Variants in SPIDR observed in about 807,000 individuals in gnomAD.
SPIDR encodes DNA repair-scaffolding protein.
A neutral mutation model predicts 104.6 loss-of-function variants in SPIDR; 93 were observed. The observed-to-expected ratio is 0.89, with a 90% CI of 0.75 to 1.06. The LOEUF is 1.06. Ranked by LOEUF, SPIDR falls within the 50% of genes least tolerant of loss-of-function variation. The pLI, the probability that SPIDR is intolerant of heterozygous loss-of-function variation, is 0.00. For synonymous variants in SPIDR, 431 were observed against 416.9 expected, an observed-to-expected ratio of 1.03 and a Z score of -0.41; for missense variants, 1,154 against 1,111.2, an observed-to-expected ratio of 1.04 and a Z score of -0.55.
intron 8 of SPIDR, among the ~76,000 whole-genome samples, chr8:47,483,126 TG>T (rs1343822561): frequency 6.8e-6 from 1 of 146,898 alleles, no homozygotes; most frequent in Non-Finnish European, 1.5e-5. Flanking sequence ...CATAGCTACT[TG>T]GTTTTTTTTT....
chr8:47,485,234 G>A (rs990671162), intron 8 of SPIDR, among the ~76,000 whole-genome samples: 13 of 152,192 alleles, frequency 8.5e-5, no homozygotes, highest in South Asian at 6.2e-4. Flanking sequence ...CCACGCGCAC[G>A]GAGCCTCGCT....
chr8:47,566,799 G>A (rs1348621317), intron 8 of SPIDR, among the ~76,000 whole-genome samples: 1 of 151,992 alleles, frequency 6.6e-6, no homozygotes, highest in East Asian at 1.9e-4. Flanking sequence ...GAACAGGTGA[G>A]CCTCTTGTGG....
At chr8:47,508,709 C>A (rs2081865638) in intron 8 of SPIDR, among the ~76,000 whole-genome samples, 1 of 149,370 alleles carries the variant, frequency 6.7e-6, no homozygotes, top group Non-Finnish European at 1.5e-5. Flanking sequence ...CATCTGTAAA[C>A]CCAGGTTCTG....
At position 47,327,965 on chromosome 8, in the gene SPIDR, T is replaced by C. The variant is rs896893002; in HGVS notation, c.525+33935T>C. 3.3e-5 allele frequency among the ~76,000 whole-genome samples: 5 copies of C among 151,824 alleles called. No homozygotes were observed. The East Asian group carries it at 7.7e-4, about 24-fold the overall frequency. The stretch of plus-strand genomic sequence containing the variant: ...CACCCACCTTGGCCTTCGAAAGTGC[T>C]GGGATTACAGGCATGAGCCACGACC... On this transcript the variant is annotated intron_variant, in intron 5 of 19. Coordinates refer to ENST00000297423, the MANE Select transcript of SPIDR (RefSeq NM_001080394.4).
intron 5 of SPIDR, among the ~76,000 whole-genome samples, chr8:47,315,771 T>C (rs1479080713): frequency 6.6e-6 from 1 of 152,126 alleles, no homozygotes; most frequent in East Asian, 1.9e-4. Context: ...AGAAAGGCTT[T>C]TAAATAAAAA....
chr8:47,598,838 G>T, intron 9 of SPIDR, 108 bp from the exon 10 acceptor site: 1 of 1,392,750 alleles, frequency 7.2e-7, no homozygotes, highest in East Asian at 2.3e-5. Context: ...AGATCCATTG[G>T]GTGGCTGCTT....
chr8:47,347,535 T>A (rs1554619166), intron 5 of SPIDR, among the ~76,000 whole-genome samples: 1 of 152,202 alleles, frequency 6.6e-6, no homozygotes, highest in Non-Finnish European at 1.5e-5. Context: ...CTGTCTAATA[T>A]TGACAGTGGG....
At chr8:47,326,018 G>T (rs1289174805) in intron 5 of SPIDR, among the ~76,000 whole-genome samples, 3 of 151,926 alleles carry the variant, frequency 2.0e-5, no homozygotes, top group Non-Finnish European at 4.4e-5. Context: ...TTAAGACAGG[G>T]TCTGGCTTTG....
intron 8 of SPIDR, among the ~76,000 whole-genome samples, chr8:47,449,800 C>T (rs1292585444): frequency 2.0e-5 from 3 of 152,156 alleles, no homozygotes; most frequent in African/African-American, 7.2e-5. Context: ...TTAGATGACG[C>T]TTTTCAATGG....
intron 5 of SPIDR, among the ~76,000 whole-genome samples, chr8:47,346,445 C>G (rs1203209844): frequency 2.0e-5 from 3 of 152,158 alleles, no homozygotes; most frequent in African/African-American, 7.2e-5. Flanking sequence ...TGATGTGTCT[C>G]TGCCAGGCTT....
intron 8 of SPIDR, among the ~76,000 whole-genome samples, chr8:47,543,566 A>G (rs1032881072): frequency 3.3e-5 from 5 of 152,182 alleles, no homozygotes; most frequent in South Asian, 2.1e-4. Context: ...TTTATGCCCA[A>G]TGGGTTGGCT....
chr8:47,681,995 A>G (rs1324907310), intron 11 of SPIDR, among the ~76,000 whole-genome samples: 1 of 152,118 alleles, frequency 6.6e-6, no homozygotes, highest in Admixed American at 6.5e-5. Flanking sequence ...AAAAAGGAGG[A>G]ATTTATGTGC....
At chr8:47,553,553 G>T (rs1167116040) in intron 8 of SPIDR, among the ~76,000 whole-genome samples, 1 of 152,146 alleles carries the variant, frequency 6.6e-6, no homozygotes, top group East Asian at 1.9e-4. Context: ...TGAAGCTTGT[G>T]TGTGCATCAC....
chr8:47,333,426 C>T lies in SPIDR; in HGVS notation c.525+39396C>T, dbSNP rs187749581. ...AAGCAATTCTCCTGTCTCAGCCTCC[C>T]GAGTAGCTGGGATTACAGGCATGCA... On this transcript the variant is annotated intron_variant, in intron 5 of 19. Coordinates refer to ENST00000297423, the MANE Select transcript of SPIDR (RefSeq NM_001080394.4). Among the ~76,000 whole-genome samples, 303 of 152,048 alleles carry T rather than the reference C, an allele frequency of 2.0e-3. 2 individuals are homozygous for T. The highest frequency in any genetic ancestry group is 6.6e-3 in the African/African-American group (274 of 41,484).
chr8:47,660,343 C>T (rs1283899375), intron 10 of SPIDR: 1 of 577,356 alleles, frequency 1.7e-6, no homozygotes, highest in Non-Finnish European at 2.2e-6. Flanking sequence ...CCAACGTGAA[C>T]AGGGAACCTC....
chr8:47,618,032 A>G (rs1055428684), intron 10 of SPIDR, among the ~76,000 whole-genome samples: 6 of 152,214 alleles, frequency 3.9e-5, no homozygotes, highest in Non-Finnish European at 7.3e-5. Flanking sequence ...AGGCCAAAAG[A>G]TATCTTTAAT....
intron 13 of SPIDR, 23 bp downstream of exon 13, chr8:47,701,887 G>A (rs766098947): frequency 6.2e-7 from 1 of 1,613,992 alleles, no homozygotes; most frequent in South Asian, 1.1e-5. Flanking sequence ...TTTCTAACAG[G>A]TTTTTTAGGT....
intron 8 of SPIDR, among the ~76,000 whole-genome samples, chr8:47,496,717 T>C (rs910195549): frequency 7.5e-6 from 1 of 132,462 alleles, no homozygotes; most frequent in African/African-American, 2.8e-5. Context: ...AATTCCCTAC[T>C]CTTTTTTTTT....
intron 10 of SPIDR, among the ~76,000 whole-genome samples, chr8:47,645,445 G>A (rs186710137): frequency 6.6e-6 from 1 of 152,140 alleles, no homozygotes; most frequent in African/African-American, 2.4e-5. Flanking sequence ...TTGTTGAGGT[G>A]GAGACCTCTA....
Sources: gnomAD v4.1 joint callset for allele counts (sites outside exome capture counted in the v4.1 genomes callset) on GRCh38, gnomAD v4.1.1 for gene constraint, MANE v1.5 for transcripts, NCBI Gene and HGNC (gene_info 2026-07-23, HGNC 2026-07-21) for gene names.